Variants in PCDHGA5 observed in about 807,000 individuals in gnomAD.
PCDHGA5 encodes the protein protocadherin gamma-A5.
In PCDHGA5, 36 loss-of-function variants were observed where a neutral mutation model predicts 56.7. That is an observed-to-expected ratio of 0.64 (90% CI 0.49 to 0.84). The LOEUF (loss-of-function observed/expected upper bound fraction) is 0.84. Among genes scored for constraint, PCDHGA5 ranks in the 40% least tolerant of loss-of-function variants. The pLI, the probability that PCDHGA5 is intolerant of heterozygous loss-of-function variation, is 0.00. For missense variants in PCDHGA5, 1,305 were observed against 1,201.5 expected (o/e 1.09, Z -1.27); for synonymous variants, 563 against 520.2 (o/e 1.08, Z -1.12).
intron 1 of PCDHGA5, chr5:141,372,002 C>T (rs1010544928): frequency 3.1e-6 from 5 of 1,613,170 alleles, no homozygotes; most frequent in Non-Finnish European, 4.2e-6. Context: ...AGGCCCGCGA[C>T]CAGGGCTCGC....
intron 1 of PCDHGA5, chr5:141,374,502 T>C (rs1588742531): frequency 6.2e-7 from 1 of 1,611,402 alleles, no homozygotes; most frequent in East Asian, 2.2e-5. Flanking sequence ...GAATTGGAAG[T>C]GAAAATTCTC....
At chr5:141,388,457 C>A in intron 1 of PCDHGA5, 1 of 1,613,814 alleles carries the variant, frequency 6.2e-7, no homozygotes, top group Non-Finnish European at 8.5e-7. Flanking sequence ...GCAGTAAATA[C>A]CCTGAGATGG....
At chr5:141,460,459 T>A (rs2098989808) in intron 1 of PCDHGA5, among the ~76,000 whole-genome samples, 1 of 152,176 alleles carries the variant, frequency 6.6e-6, no homozygotes, top group South Asian at 2.1e-4. Flanking sequence ...ATTCATATTT[T>A]TTTCCAAAGG....
At chr5:141,399,952 G>A in intron 1 of PCDHGA5, 1 of 1,612,186 alleles carries the variant, frequency 6.2e-7, no homozygotes, top group Non-Finnish European at 8.5e-7. Flanking sequence ...GCAGGCTAGC[G>A]AGCCCGGGCT....
intron 1 of PCDHGA5, chr5:141,375,492 C>G (rs1479166064): frequency 9.9e-6 from 16 of 1,614,008 alleles, no homozygotes; most frequent in Non-Finnish European, 1.4e-5. Context: ...AGGGGTGCCT[C>G]CATCTTCTCT....
chr5:141,415,056 G>T, intron 1 of PCDHGA5: 1 of 1,613,416 alleles, frequency 6.2e-7, no homozygotes. Context: ...GGGAGCACAC[G>T]GGCGAGGTGC....
intron 1 of PCDHGA5, chr5:141,372,307 C>A: frequency 6.2e-7 from 1 of 1,613,452 alleles, no homozygotes; most frequent in Non-Finnish European, 8.5e-7. Flanking sequence ...AGGGAGGCCG[C>A]CCGCCAGCGC....
chr5:141,418,370 C>G (rs910813828), intron 1 of PCDHGA5: 1 of 1,613,822 alleles, frequency 6.2e-7, no homozygotes, highest in African/African-American at 1.3e-5. Flanking sequence ...GAGCAAATAC[C>G]AACTAAGTCC....
At chr5:141,470,173 A>G (rs527296791) in intron 1 of PCDHGA5, among the ~76,000 whole-genome samples, 1 of 152,342 alleles carries the variant, frequency 6.6e-6, no homozygotes, top group South Asian at 2.1e-4. Context: ...AAGTATGCAA[A>G]ATATTCAAGT....
At chr5:141,468,191 G>A (rs1420885521) in intron 1 of PCDHGA5, among the ~76,000 whole-genome samples, 1 of 151,860 alleles carries the variant, frequency 6.6e-6, no homozygotes, top group African/African-American at 2.4e-5. Flanking sequence ...TGGGCATGGT[G>A]GCGGGTGCCT....
At chr5:141,367,743 A>T (rs1765311157) in intron 1 of PCDHGA5, 1 of 152,154 alleles carries the variant, frequency 6.6e-6, no homozygotes, top group African/African-American at 2.4e-5. Flanking sequence ...GCCTCCAGAG[A>T]GTTACATACT....
chr5:141,387,717 C>T (rs2091056709), intron 1 of PCDHGA5: 1 of 1,093,268 alleles, frequency 9.1e-7, no homozygotes, highest in African/African-American at 1.6e-5. Context: ...CCAGCTCAGA[C>T]TCCCCAGCGC....
At chr5:141,427,984 C>A (rs754620535) in intron 1 of PCDHGA5, 6 of 1,597,376 alleles carry the variant, frequency 3.8e-6, no homozygotes, top group Non-Finnish European at 4.3e-6. Flanking sequence ...GCGCTGGGGC[C>A]CGATGGCTCC....
rs534187376 is a variant in PCDHGA5 at position 141,512,974 on chromosome 5, A to G, written c.*1801A>G. ...AAAATAATAAAACGTTTCTTCTGAA[A>G]AGCTGAACGTTTCTGTATAAGCGAT... is the stretch of plus-strand genomic sequence containing the variant. On this transcript the variant is annotated 3_prime_UTR_variant, in exon 4 of 4. Transcript: ENST00000518069. The G allele has an allele frequency of 6.6e-6, 1 of 152,362 alleles. No individual in the cohort carries two copies. Among genetic ancestry groups the G allele is most frequent in the South Asian group, 2.1e-4 (1 of 4,826 alleles). The allele number at this position is 152,362 out of a possible 1,614,324, so 9.4% of individuals were successfully genotyped here. A position where few individuals can be genotyped will look rare whatever the true frequency, so the allele number is the denominator to read the frequency against.
intron 1 of PCDHGA5, among the ~76,000 whole-genome samples, chr5:141,454,239 A>T (rs1221886368): frequency 6.6e-6 from 1 of 152,200 alleles, no homozygotes; most frequent in Non-Finnish European, 1.5e-5. Context: ...GATGAAAAGG[A>T]TGAAGATGTC....
intron 1 of PCDHGA5, among the ~76,000 whole-genome samples, chr5:141,454,120 T>C (rs956675583): frequency 6.6e-5 from 10 of 152,228 alleles, no homozygotes; most frequent in African/African-American, 2.4e-4. Context: ...ATAGAAGAAA[T>C]AGCTGACCAT....
At chr5:141,454,625 C>T (rs1193628253) in intron 1 of PCDHGA5, among the ~76,000 whole-genome samples, 2 of 151,512 alleles carry the variant, frequency 1.3e-5, no homozygotes, top group East Asian at 1.9e-4. Flanking sequence ...AGGCTGGTCT[C>T]GAACCCCCAA....
At chr5:141,389,649 G>A in intron 1 of PCDHGA5, 2 of 1,612,716 alleles carry the variant, frequency 1.2e-6, no homozygotes, top group Non-Finnish European at 1.7e-6. Context: ...GGTGACCAAG[G>A]TAGTGGCGGT....
intron 1 of PCDHGA5, among the ~76,000 whole-genome samples, chr5:141,472,862 T>C (rs770564770): frequency 1.3e-5 from 2 of 150,322 alleles, no homozygotes; most frequent in South Asian, 4.2e-4. Flanking sequence ...GGCACATGCC[T>C]GTATTCCCAG....
Sources: gnomAD v4.1 joint callset for allele counts (sites outside exome capture counted in the v4.1 genomes callset) on GRCh38, gnomAD v4.1.1 for gene constraint, MANE v1.5 for transcripts, NCBI Gene and HGNC (gene_info 2026-07-23, HGNC 2026-07-21) for gene names.